The following CACNA2D1 variants were observed in gnomAD, a reference collection of about 807,000 sequenced individuals.
CACNA2D1 encodes voltage-dependent calcium channel subunit alpha-2/delta-1.
In CACNA2D1, 53 loss-of-function variants were observed where a neutral mutation model predicts 171.5. That is an observed-to-expected ratio of 0.31 (90% confidence interval 0.25 to 0.39). The LOEUF is 0.39. CACNA2D1 is among the 10% of genes least tolerant of loss of function. The pLI is 1.00. For synonymous variants in CACNA2D1, 442 were observed against 443.1 expected, an observed-to-expected ratio of 1.00 and a Z score of 0.03; for missense variants, 903 against 1,299.8, an observed-to-expected ratio of 0.69 and a Z score of 4.69.
At chr7:82,247,742 A>C (rs1216000906) in intron 3 of CACNA2D1, among the ~76,000 whole-genome samples, 1 of 152,176 alleles carries the variant, frequency 6.6e-6, no homozygotes, top group East Asian at 1.9e-4. Context: ...ATTTTCCTTA[A>C]AACAAATTAA....
intron 5 of CACNA2D1, among the ~76,000 whole-genome samples, chr7:82,119,759 C>A (rs534285392): frequency 6.6e-6 from 1 of 152,266 alleles, no homozygotes; most frequent in Admixed American, 6.5e-5. Flanking sequence ...TTTATGTCCC[C>A]AGTTCTGTAT....
intron 1 of CACNA2D1, among the ~76,000 whole-genome samples, chr7:82,387,209 A>T (rs1338957009): frequency 2.0e-5 from 3 of 152,316 alleles, no homozygotes; most frequent in South Asian, 2.1e-4. Context: ...ATTTTAAAAA[A>T]ATAAGTAACC....
At chr7:82,371,553 A>G (rs2129448306) in intron 1 of CACNA2D1, among the ~76,000 whole-genome samples, 1 of 152,224 alleles carries the variant, frequency 6.6e-6, no homozygotes, top group Non-Finnish European at 1.5e-5. Flanking sequence ...AGTATTGCTA[A>G]TCTACAGCCC....
intron 1 of CACNA2D1, among the ~76,000 whole-genome samples, chr7:82,435,846 G>A (rs1372015063): frequency 6.6e-6 from 1 of 152,102 alleles, no homozygotes; most frequent in East Asian, 1.9e-4. Context: ...TGTAATATGA[G>A]CACTGCTCAT....
chr7:82,114,951 A>G (rs1488855098), intron 6 of CACNA2D1, among the ~76,000 whole-genome samples: 1 of 152,176 alleles, frequency 6.6e-6, no homozygotes, highest in Non-Finnish European at 1.5e-5. Context: ...TCACTGACTT[A>G]AAATATCTTG....
At chr7:82,128,692 A>G (rs914875318) in intron 5 of CACNA2D1, among the ~76,000 whole-genome samples, 1 of 152,212 alleles carries the variant, frequency 6.6e-6, no homozygotes, top group Non-Finnish European at 1.5e-5. Flanking sequence ...AAAGAACAGT[A>G]GAAATCAGGA....
At chr7:82,088,263 T>C (rs2129015492) in intron 6 of CACNA2D1, among the ~76,000 whole-genome samples, 1 of 152,280 alleles carries the variant, frequency 6.6e-6, no homozygotes, top group Middle Eastern at 3.4e-3. Context: ...TCTCCTGTTT[T>C]CCTGACACTG....
rs974207383 is a variant in CACNA2D1, at chr7:82,388,902, G to T, written c.96-39253C>A. The stretch of plus-strand genomic sequence containing the variant: ...AGGCCGAGGCTGGCGGATGACTGGA[G>T]GCAGGGAGTTTGGGACCAGCCTAGC... On this transcript the variant is annotated intron_variant, in intron 1 of 38. Transcript: ENST00000356860. Among the ~76,000 whole-genome samples the T allele has an allele frequency of 4.6e-5, 7 of 152,018 alleles. No homozygotes were observed. In the East Asian group the frequency reaches 1.4e-3, roughly 30 times the overall value.
At chr7:82,364,239 CA>C (rs1478065216) in intron 1 of CACNA2D1, among the ~76,000 whole-genome samples, 1 of 152,082 alleles carries the variant, frequency 6.6e-6, no homozygotes, top group Non-Finnish European at 1.5e-5. Context: ...AAAAGTTTGG[CA>C]GAAAGATTGC....
intron 3 of CACNA2D1, among the ~76,000 whole-genome samples, chr7:82,283,964 G>C (rs1219643164): frequency 2.0e-5 from 3 of 151,994 alleles, no homozygotes; most frequent in African/African-American, 7.2e-5. Context: ...AGAAAACAAT[G>C]AAAGCATAAA....
chr7:82,285,331 G>A (rs535677372), intron 3 of CACNA2D1, among the ~76,000 whole-genome samples: 2 of 152,042 alleles, frequency 1.3e-5, no homozygotes, highest in South Asian at 4.2e-4. Flanking sequence ...CAAATCCTTT[G>A]AACCCCCTAC....
Position 82,056,956 on chromosome 7 carries a change from T to C in CACNA2D1, c.879+3472A>G, listed in dbSNP as rs541132942. On this transcript the variant is annotated intron_variant, in intron 10 of 38. Coordinates refer to ENST00000356860, the MANE Select transcript of CACNA2D1 (RefSeq NM_000722.4). Reference sequence around the variant, plus strand: ...ACCACAGGACTCACAGGGTCTACCATATGTTGCATCACTAGAGGCTGCCAG... The same window carrying C: ...ACCACAGGACTCACAGGGTCTACCACATGTTGCATCACTAGAGGCTGCCAG... Among the ~76,000 whole-genome samples, 4 of 152,250 alleles carry C rather than the reference T, an allele frequency of 2.6e-5. No homozygotes were observed. The East Asian group carries it at 7.8e-4, about 30-fold the overall frequency.
At chr7:82,161,222 T>G (rs1794916610) in intron 4 of CACNA2D1, among the ~76,000 whole-genome samples, 1 of 152,008 alleles carries the variant, frequency 6.6e-6, no homozygotes, top group South Asian at 2.1e-4. Flanking sequence ...TTCCTTCCTT[T>G]CTCTGAGGGT....
At chr7:82,232,547 T>A (rs1803056966) in intron 3 of CACNA2D1, among the ~76,000 whole-genome samples, 1 of 152,076 alleles carries the variant, frequency 6.6e-6, no homozygotes, top group South Asian at 2.1e-4. Flanking sequence ...ATTGCCCCTG[T>A]TTTTACAAAT....
intron 1 of CACNA2D1, among the ~76,000 whole-genome samples, chr7:82,357,717 G>T (rs562866735): frequency 7.2e-6 from 1 of 139,672 alleles, no homozygotes; most frequent in East Asian, 2.2e-4. Context: ...GTTGTGGGGT[G>T]GGGGGTGGGG....
At chr7:81,990,919 C>G (rs546777450) in intron 21 of CACNA2D1, among the ~76,000 whole-genome samples, 1 of 152,060 alleles carries the variant, frequency 6.6e-6, no homozygotes, top group African/African-American at 2.4e-5. Context: ...TGAAAGTGAA[C>G]CCTACATATT....
intron 3 of CACNA2D1, among the ~76,000 whole-genome samples, chr7:82,219,891 TGA>T (rs1485146507): frequency 6.6e-6 from 1 of 152,136 alleles, no homozygotes; most frequent in Non-Finnish European, 1.5e-5. Flanking sequence ...GAAAAATATT[TGA>T]GAGTTAGAAA....
At chr7:81,962,075 T>C in intron 35 of CACNA2D1, 52 bp from the exon 36 acceptor site, 2 of 1,578,104 alleles carry the variant, frequency 1.3e-6, no homozygotes. Flanking sequence ...AGGAGGGGTC[T>C]CTGTAGTCAC....
chr7:82,163,650 C>T (rs1016929558), intron 4 of CACNA2D1, among the ~76,000 whole-genome samples: 4 of 151,930 alleles, frequency 2.6e-5, no homozygotes, highest in Non-Finnish European at 4.4e-5. Flanking sequence ...TTATTAAAAA[C>T]CTTTTGGGTT....
Sources: allele counts gnomAD v4.1 joint callset (sites outside exome capture counted in the v4.1 genomes callset), GRCh38; gene constraint gnomAD v4.1.1; transcripts MANE v1.5; gene names NCBI Gene and HGNC (gene_info 2026-07-23, HGNC 2026-07-21).